TMCO4: variants seen among roughly 807,000 people sequenced by gnomAD.
TMCO4 encodes transmembrane and coiled-coil domains 4, also known as transmembrane and coiled-coil domain-containing protein 4.
Under a neutral mutation model 64.7 loss-of-function variants are expected in TMCO4, and 58 were observed. The observed-to-expected ratio is 0.90, with a 90% CI of 0.73 to 1.12. The LOEUF (loss-of-function observed/expected upper bound fraction) is 1.12. TMCO4 is among the 50% of genes most tolerant of loss of function. TMCO4 has a pLI of 0.00. For synonymous variants in TMCO4, 325 were observed against 346.1 expected (o/e 0.94, Z 0.68); for missense variants, 780 against 825.9 (o/e 0.94, Z 0.68).
intron 13 of TMCO4, among the ~76,000 whole-genome samples, chr1:19,721,082 G>C (rs1017403398): frequency 3.9e-5 from 6 of 152,282 alleles, no homozygotes; most frequent in African/African-American, 1.4e-4. Flanking sequence ...ATGCTCCTTT[G>C]CTGCAGAGGG....
intron 13 of TMCO4, among the ~76,000 whole-genome samples, chr1:19,731,029 G>C (rs1366915785): frequency 6.6e-6 from 1 of 152,204 alleles, no homozygotes; most frequent in African/African-American, 2.4e-5. Context: ...AGGCAGTGCA[G>C]CTGGGAGGAA....
rs558590924 is a variant in TMCO4, at chr1:19,776,844, C to T, written c.179+3736G>A. On this transcript the variant is annotated intron_variant, in intron 4 of 15. Coordinates refer to ENST00000294543, the MANE Select transcript of TMCO4 (RefSeq NM_181719.7). ...GAGTTCAAGACTAGCCTGGCCAACACGGTGAAACCCCGTCTGTACTAAAAA... is the reference window on the plus strand; with the variant it reads ...GAGTTCAAGACTAGCCTGGCCAACATGGTGAAACCCCGTCTGTACTAAAAA... 4.6e-5 allele frequency among the ~76,000 whole-genome samples: 7 copies of T among 152,072 alleles called. No individual in the cohort carries two copies. In the East Asian group the frequency reaches 7.7e-4, roughly 17 times the overall value.
At chr1:19,781,463 T>TAA (rs34207516) in intron 3 of TMCO4, among the ~76,000 whole-genome samples, 132 of 140,260 alleles carry the variant, frequency 9.4e-4, no homozygotes, top group East Asian at 3.2e-3. Context: ...CCCTGTCTCT[T>TAA]AAAAAAAAAA....
chr1:19,682,487 G>A lies in TMCO4; in HGVS notation c.*553C>T. On this transcript the variant is annotated 3_prime_UTR_variant, in exon 16 of 16. Transcript: ENST00000294543. ...CGCACAGCCTACATGGCTGTACAGG[G>A]CAGATCTGATTGGATCTCCTAAGAG... 1.5e-6 allele frequency: 1 copy of A among 657,354 alleles called. No homozygotes were observed. Among genetic ancestry groups the A allele is most frequent in the Non-Finnish European group, 2.8e-6 (1 of 355,506 alleles). 40.7% of individuals were successfully genotyped at this position (657,354 alleles called of 1,614,324 possible).
intron 4 of TMCO4, among the ~76,000 whole-genome samples, chr1:19,776,978 G>C (rs1462595500): frequency 3.2e-5 from 4 of 125,374 alleles, no homozygotes; most frequent in African/African-American, 6.2e-5. Context: ...AGTGAGCCAA[G>C]ATCACACCAC....
chr1:19,728,053 C>T (rs1406789072), intron 13 of TMCO4, among the ~76,000 whole-genome samples: 5 of 152,148 alleles, frequency 3.3e-5, no homozygotes, highest in Non-Finnish European at 5.9e-5. Flanking sequence ...GGTGCTTACT[C>T]GAAGGTGGAG....
chr1:19,796,412 C>A (rs1270396337), intron 2 of TMCO4, among the ~76,000 whole-genome samples: 4 of 151,984 alleles, frequency 2.6e-5, no homozygotes, highest in Non-Finnish European at 4.4e-5. Flanking sequence ...ACATAATGGC[C>A]GGTTGCTAAT....
intron 4 of TMCO4, among the ~76,000 whole-genome samples, chr1:19,776,048 C>T (rs1047413424): frequency 6.6e-6 from 1 of 152,180 alleles, no homozygotes; most frequent in Admixed American, 6.5e-5. Flanking sequence ...GCTAGGATTA[C>T]AGGCATATAC....
intron 6 of TMCO4, among the ~76,000 whole-genome samples, chr1:19,763,960 G>A (rs2042618203): frequency 6.6e-6 from 1 of 152,174 alleles, no homozygotes; most frequent in Admixed American, 6.5e-5. Context: ...TTGTCCTCAT[G>A]GCTTAGGACG....
intron 13 of TMCO4, among the ~76,000 whole-genome samples, chr1:19,717,273 G>C (rs2095361092): frequency 6.6e-6 from 1 of 152,188 alleles, no homozygotes; most frequent in East Asian, 1.9e-4. Context: ...GCTGCAGGGA[G>C]GACTGGCTGA....
At chr1:19,741,794 T>C (rs1448289314) in intron 10 of TMCO4, among the ~76,000 whole-genome samples, 3 of 151,200 alleles carry the variant, frequency 2.0e-5, no homozygotes, top group African/African-American at 7.3e-5. Flanking sequence ...TGGAGTGTAG[T>C]GGCACGATCT....
chr1:19,756,433 AT>A (rs1429274304), intron 6 of TMCO4, among the ~76,000 whole-genome samples: 4 of 152,190 alleles, frequency 2.6e-5, no homozygotes, highest in African/African-American at 4.8e-5. Flanking sequence ...TTAAAAAAAA[AT>A]AATCCCCTTT....
chr1:19,774,255 C>T (rs2043111716), intron 4 of TMCO4, among the ~76,000 whole-genome samples: 1 of 152,192 alleles, frequency 6.6e-6, no homozygotes, highest in African/African-American at 2.4e-5. Context: ...TGGCCTGGTC[C>T]TGCTGTCCAC....
At chr1:19,787,281 G>A (rs2043795550) in intron 2 of TMCO4, among the ~76,000 whole-genome samples, 164 bp from the exon 3 acceptor site, 1 of 152,222 alleles carries the variant, frequency 6.6e-6, no homozygotes, top group South Asian at 2.1e-4. Flanking sequence ...GACGTGGGGT[G>A]CTCTTCTCAA....
intron 15 of TMCO4, among the ~76,000 whole-genome samples, chr1:19,687,536 T>C (rs1024778002): frequency 2.0e-5 from 3 of 152,164 alleles, no homozygotes; most frequent in African/African-American, 7.2e-5. Flanking sequence ...CTTAGTTTCC[T>C]ACGAGTGGGG....
rs1404126143 is a variant in TMCO4 at position 19,771,483 on chromosome 1, C to A, written c.180-1G>T. The A allele has an allele frequency of 6.2e-7, 1 of 1,613,236 alleles. No individual in the cohort carries two copies. The highest frequency in any genetic ancestry group is 1.3e-5 in the African/African-American group (1 of 74,930). On this transcript the variant is annotated splice_acceptor_variant, in intron 4 of 15. Transcript: ENST00000294543. LOFTEE classifies it high-confidence loss of function. ...TGCCATGAACTCTGTGCAGAAGGAG[C>A]TGAAAGGCAGACATGGCTTAGTTCT... is the stretch of plus-strand genomic sequence containing the variant.
intron 13 of TMCO4, among the ~76,000 whole-genome samples, chr1:19,729,213 A>G (rs564201798): frequency 2.2e-4 from 34 of 152,018 alleles, no homozygotes; most frequent in African/African-American, 7.7e-4. Context: ...ACAGTGGCCC[A>G]ATCTCGGCTC....
At chr1:19,710,665 C>T (rs1193164279) in intron 13 of TMCO4, among the ~76,000 whole-genome samples, 1 of 152,194 alleles carries the variant, frequency 6.6e-6, no homozygotes, top group South Asian at 2.1e-4. Flanking sequence ...TTCCCTCCTA[C>T]TCTCCTGTCC....
At position 19,737,355 on chromosome 1, in the gene TMCO4, C is replaced by T. The variant is rs921505484; in HGVS notation, c.1264+17G>A. The T allele has an allele frequency of 1.9e-6, 3 of 1,607,532 alleles. No homozygotes were observed. In the African/African-American group the frequency reaches 4.0e-5, roughly 21 times the overall value. Reference sequence around the variant, plus strand: ...GCTTGTGAAGGGTTTCCGTCTGTGACAATAATCCATGCTCACCTTTCTCTT... The same window carrying T: ...GCTTGTGAAGGGTTTCCGTCTGTGATAATAATCCATGCTCACCTTTCTCTT... On this transcript the variant is annotated intron_variant, in intron 13 of 15. Transcript: ENST00000294543.
Sources: gnomAD v4.1 joint callset for allele counts (sites outside exome capture counted in the v4.1 genomes callset) on GRCh38, gnomAD v4.1.1 for gene constraint, MANE v1.5 for transcripts, NCBI Gene and HGNC (gene_info 2026-07-23, HGNC 2026-07-21) for gene names.